The following LRBA variants were observed in gnomAD, a reference collection of about 807,000 sequenced individuals.
The protein encoded by LRBA is LPS responsive beige-like anchor protein, also known as lipopolysaccharide-responsive and beige-like anchor protein.
LRBA carries 176 observed loss-of-function variants against 330.0 expected under a neutral mutation model. That is an observed-to-expected ratio of 0.53 (90% CI 0.47 to 0.60). The LOEUF is 0.60. Ranked by LOEUF, LRBA falls within the 20% of genes least tolerant of loss-of-function variation. The pLI, the probability that LRBA is intolerant of heterozygous loss-of-function variation, is 0.00. For synonymous variants in LRBA, 1,230 were observed against 1,193.0 expected, an observed-to-expected ratio of 1.03 and a Z score of -0.64; for missense variants, 3,259 against 3,444.8, an observed-to-expected ratio of 0.95 and a Z score of 1.35.
At chr4:150,922,974 A>G (rs758633179) in intron 4 of LRBA, among the ~76,000 whole-genome samples, 178 of 152,256 alleles carry the variant, frequency 1.2e-3, no homozygotes, top group Admixed American at 2.2e-3. Flanking sequence ...TTGACTCCAG[A>G]GTCCATGCTT....
At chr4:150,277,258 G>T (rs778287029) in intron 56 of LRBA, among the ~76,000 whole-genome samples, 1 of 151,136 alleles carries the variant, frequency 6.6e-6, no homozygotes, top group African/African-American at 2.4e-5. Context: ...CATCACATAC[G>T]GGGGCCTGTT....
intron 35 of LRBA, among the ~76,000 whole-genome samples, chr4:150,750,614 A>G (rs1030203644): frequency 6.6e-6 from 1 of 151,908 alleles, no homozygotes; most frequent in Non-Finnish European, 1.5e-5. Flanking sequence ...AATTTTTTTT[A>G]AAGAGATAGG....
chr4:150,455,395 A>G (rs1045446798), intron 44 of LRBA, among the ~76,000 whole-genome samples: 3 of 151,992 alleles, frequency 2.0e-5, no homozygotes, highest in African/African-American at 7.2e-5. Context: ...ATGTCCAACA[A>G]TGATAGGCTG....
chr4:150,561,753 T>C (rs1014522516), intron 40 of LRBA, among the ~76,000 whole-genome samples: 3 of 152,184 alleles, frequency 2.0e-5, no homozygotes, highest in African/African-American at 7.2e-5. Context: ...AAATTTGTTA[T>C]AGCAGCAACA....
At chr4:150,434,748 G>T (rs1157857923) in intron 46 of LRBA, among the ~76,000 whole-genome samples, 1 of 152,052 alleles carries the variant, frequency 6.6e-6, no homozygotes, top group Non-Finnish European at 1.5e-5. Flanking sequence ...CTACTCAGGA[G>T]GCTGAGGCAG....
In LRBA at chr4:150,306,481, T is replaced by C. The variant is rs1730371998; in HGVS notation, c.7850-3689A>G. Among the ~76,000 whole-genome samples, 4 of 152,318 alleles carry C rather than the reference T, an allele frequency of 2.6e-5. No homozygotes were observed. In the South Asian group the frequency reaches 8.3e-4, roughly 32 times the overall value. On this transcript the variant is annotated intron_variant, in intron 52 of 56. Transcript: ENST00000651943. ...TTTTAAATAAAACTAGCATCAGAGT[T>C]TTTATACAAGATATTAAGAAAGACA...
At chr4:150,384,929 A>T (rs1742839162) in intron 47 of LRBA, among the ~76,000 whole-genome samples, 1 of 152,124 alleles carries the variant, frequency 6.6e-6, no homozygotes, top group South Asian at 2.1e-4. Context: ...AGGCCTGCAG[A>T]GCACTGTTAC....
At chr4:150,461,280 T>G (rs1200827518) in intron 44 of LRBA, among the ~76,000 whole-genome samples, 1 of 151,792 alleles carries the variant, frequency 6.6e-6, no homozygotes, top group East Asian at 1.9e-4. Flanking sequence ...ATTGGCATAT[T>G]ACAGAGTTTC....
intron 2 of LRBA, among the ~76,000 whole-genome samples, chr4:151,012,502 T>G (rs918732912): frequency 3.3e-5 from 5 of 152,206 alleles, no homozygotes; most frequent in Non-Finnish European, 7.3e-5. Flanking sequence ...AAGGAAATGT[T>G]TCAAGTCTAT....
intron 34 of LRBA, among the ~76,000 whole-genome samples, chr4:150,787,722 C>T (rs6535750): frequency 0.84 from 128,145 of 152,148 alleles, 54,937 homozygotes; most frequent in Non-Finnish European, 0.94. Context: ...TATTATTGAC[C>T]ATAGTCACAC....
At chr4:150,707,754 T>C (rs1015973179) in intron 36 of LRBA, among the ~76,000 whole-genome samples, 5 of 151,602 alleles carry the variant, frequency 3.3e-5, no homozygotes, top group African/African-American at 1.2e-4. Context: ...AAATGGAAGC[T>C]TGAGAATTCC....
chr4:151,000,206 G>GT (rs1366300692), intron 2 of LRBA, among the ~76,000 whole-genome samples: 8 of 152,148 alleles, frequency 5.3e-5, no homozygotes, highest in Non-Finnish European at 8.8e-5. Flanking sequence ...TAAACTCATT[G>GT]TAAGTTGAAA....
intron 40 of LRBA, among the ~76,000 whole-genome samples, chr4:150,510,543 A>G (rs1193065073): frequency 6.6e-6 from 1 of 152,188 alleles, no homozygotes; most frequent in East Asian, 1.9e-4. Context: ...GTACCTTCAC[A>G]AATTGTCACT....
At chr4:150,894,573 CAG>C (rs1729855190) in intron 16 of LRBA, among the ~76,000 whole-genome samples, 1 of 152,198 alleles carries the variant, frequency 6.6e-6, no homozygotes, top group African/African-American at 2.4e-5. Flanking sequence ...AAACAGCTAA[CAG>C]AGTTTAGTTA....
intron 40 of LRBA, among the ~76,000 whole-genome samples, chr4:150,551,232 C>T (rs1489821824): frequency 2.6e-5 from 4 of 152,044 alleles, no homozygotes; most frequent in Non-Finnish European, 4.4e-5. Flanking sequence ...AAAGCATGAG[C>T]CAAATAAATT....
intron 28 of LRBA, among the ~76,000 whole-genome samples, chr4:150,839,694 A>C (rs1255793370): frequency 6.6e-6 from 1 of 152,168 alleles, no homozygotes; most frequent in East Asian, 1.9e-4. Context: ...CAATGAGAAC[A>C]CTTGGACACA....
intron 42 of LRBA, among the ~76,000 whole-genome samples, chr4:150,478,994 G>T (rs1757007767): frequency 6.6e-6 from 1 of 152,080 alleles, no homozygotes; most frequent in Non-Finnish European, 1.5e-5. Flanking sequence ...AATAAATTAA[G>T]ACTTATAGGC....
In LRBA at chr4:150,959,771, CTTA is replaced by C. The variant is rs956941590; in HGVS notation, c.217-30709_217-30707del. 1.6e-4 allele frequency among the ~76,000 whole-genome samples: 23 copies of C among 144,206 alleles called. 3 individuals carry two copies. The highest frequency in any genetic ancestry group is 1.1e-3 in the South Asian group (5 of 4,708). The allele number at this position is 144,206 out of a possible 152,430, so 94.6% of individuals were successfully genotyped here. The stretch of plus-strand genomic sequence containing the variant: ...TGTAACATAGTGTAAATCTAATATA[CTTA>C]TTATATTATCTATAATTATATATAA... On this transcript the variant is annotated intron_variant, in intron 2 of 56. Coordinates refer to ENST00000651943, the MANE Select transcript of LRBA (RefSeq NM_001364905.1).
intron 33 of LRBA, among the ~76,000 whole-genome samples, chr4:150,803,577 C>T (rs1379731511): frequency 6.6e-6 from 1 of 152,066 alleles, no homozygotes. Flanking sequence ...CCAAAGTCTC[C>T]TGCCTTTTAT....
Sources: allele counts gnomAD v4.1 joint callset (sites outside exome capture counted in the v4.1 genomes callset), GRCh38; gene constraint gnomAD v4.1.1; transcripts MANE v1.5; gene names NCBI Gene and HGNC (gene_info 2026-07-23, HGNC 2026-07-21).